The following SHANK2 variants were observed in gnomAD, a reference collection of about 807,000 sequenced individuals.
The protein encoded by SHANK2 is SH3 and multiple ankyrin repeat domains protein 2.
Under a neutral mutation model 133.7 loss-of-function variants are expected in SHANK2, and 43 were observed. The ratio of observed to expected loss-of-function variants is 0.32; its 90% CI spans 0.25 to 0.41. SHANK2 has a LOEUF of 0.41. Among genes scored for constraint, SHANK2 ranks in the 10% least tolerant of loss-of-function variants. SHANK2 has a pLI of 1.00. For synonymous variants in SHANK2, 1,017 were observed against 952.8 expected (o/e 1.07, Z -1.24); for missense variants, 1,994 against 2,235.8 (o/e 0.89, Z 2.18).
At position 70,830,023 on chromosome 11, in the gene SHANK2, C is replaced by A. The variant is rs1948703397; in HGVS notation, c.1175-9341G>T. ...AGACGCGGGCAGCAGCCTGTAAGAG[C>A]CTCCTTCCCCCACACCCACCACTTG... is the stretch of plus-strand genomic sequence containing the variant. On this transcript the variant is annotated intron_variant, in intron 11 of 25. Transcript: ENST00000601538. This position sits in a 1 kb window ranked among gnomAD's most constrained non-coding sequence, Gnocchi z 4.4. Among the ~76,000 whole-genome samples the A allele has an allele frequency of 6.6e-6, 1 of 152,204 alleles. No individual in the cohort carries two copies.
intron 10 of SHANK2, among the ~76,000 whole-genome samples, chr11:70,935,374 T>C (rs1487232728): frequency 6.6e-6 from 1 of 152,150 alleles, no homozygotes; most frequent in African/African-American, 2.4e-5. Flanking sequence ...AGGGGTCTGC[T>C]ACAGTCTCAT....
intron 17 of SHANK2, among the ~76,000 whole-genome samples, chr11:70,572,081 C>T (rs2060051919): frequency 1.3e-5 from 2 of 152,234 alleles, no homozygotes; most frequent in Admixed American, 1.3e-4. Flanking sequence ...CATCTCCACA[C>T]CAGGGACAGG....
intron 14 of SHANK2, among the ~76,000 whole-genome samples, chr11:70,707,372 C>CAAAAAA (rs1172194976): frequency 8.6e-5 from 5 of 57,860 alleles, no homozygotes; most frequent in African/African-American, 1.6e-4. Flanking sequence ...AACTCCATCT[C>CAAAAAA]AAAAAAAAAA....
intron 13 of SHANK2, among the ~76,000 whole-genome samples, chr11:70,800,005 A>C (rs1218256481): frequency 6.6e-6 from 1 of 152,110 alleles, no homozygotes; most frequent in Non-Finnish European, 1.5e-5. Flanking sequence ...GTGAGGAAGG[A>C]AAATCTTTAT....
At chr11:71,058,321 A>G (rs1319584410) in intron 9 of SHANK2, among the ~76,000 whole-genome samples, 1 of 152,216 alleles carries the variant, frequency 6.6e-6, no homozygotes, top group African/African-American at 2.4e-5. Flanking sequence ...GGACTGCAGC[A>G]GCAAATAACT....
At chr11:70,682,003 G>A (rs549138391) in intron 15 of SHANK2, among the ~76,000 whole-genome samples, 1 of 152,296 alleles carries the variant, frequency 6.6e-6, no homozygotes, top group South Asian at 2.1e-4. Flanking sequence ...GCAAGGGGCT[G>A]CGGCTTTTCC....
intron 2 of SHANK2, among the ~76,000 whole-genome samples, chr11:71,191,699 C>T (rs1316060407): frequency 5.3e-5 from 8 of 151,814 alleles, no homozygotes; most frequent in African/African-American, 1.7e-4. Flanking sequence ...GCTGTGATTA[C>T]AGACATGCAC....
At chr11:70,613,296 C>CA (rs1488262059) in intron 17 of SHANK2, among the ~76,000 whole-genome samples, 4 of 152,110 alleles carry the variant, frequency 2.6e-5, no homozygotes, top group Non-Finnish European at 5.9e-5. Context: ...CTCCGCCTCC[C>CA]AGGTTCATGC....
chr11:71,106,839 G>A (rs1951809235), intron 6 of SHANK2, among the ~76,000 whole-genome samples: 1 of 151,938 alleles, frequency 6.6e-6, no homozygotes, highest in Non-Finnish European at 1.5e-5. Flanking sequence ...AAGGGGAGGG[G>A]AGAGGCCAGG....
At chr11:71,074,304 G>A (rs1389030473) in intron 9 of SHANK2, among the ~76,000 whole-genome samples, 3 of 152,176 alleles carry the variant, frequency 2.0e-5, no homozygotes, top group African/African-American at 7.2e-5. Flanking sequence ...CAGCGAAAGT[G>A]AGACTCTTAA....
At chr11:70,538,746 C>T (rs1459591004) in intron 17 of SHANK2, among the ~76,000 whole-genome samples, 1 of 152,212 alleles carries the variant, frequency 6.6e-6, no homozygotes, top group Non-Finnish European at 1.5e-5. Context: ...AGAACAGCCC[C>T]CGGGGCAGAG....
intron 11 of SHANK2, among the ~76,000 whole-genome samples, chr11:70,866,400 G>A (rs1474834729): frequency 6.6e-6 from 1 of 152,112 alleles, no homozygotes; most frequent in Admixed American, 6.5e-5. Flanking sequence ...AGCCACACCC[G>A]GCTAATTAGG....
chr11:70,808,824 A>G (rs1264069081), intron 12 of SHANK2, among the ~76,000 whole-genome samples: 1 of 152,130 alleles, frequency 6.6e-6, no homozygotes, highest in Non-Finnish European at 1.5e-5. Flanking sequence ...CATCCACCTC[A>G]CTGTGAGCGT....
chr11:70,476,320 C>T (rs782523225), intron 25 of SHANK2, among the ~76,000 whole-genome samples: 1 of 152,196 alleles, frequency 6.6e-6, no homozygotes, highest in Non-Finnish European at 1.5e-5. Context: ...GAGGGGCCAG[C>T]ACCCTCTAGT....
intron 10 of SHANK2, among the ~76,000 whole-genome samples, chr11:70,929,863 C>T (rs1433542409): frequency 6.6e-6 from 1 of 152,148 alleles, no homozygotes; most frequent in Non-Finnish European, 1.5e-5. Context: ...TGGGTGACTA[C>T]AGAAACGTGA....
intron 9 of SHANK2, among the ~76,000 whole-genome samples, chr11:71,062,858 G>A (rs1438149784): frequency 6.6e-6 from 1 of 151,866 alleles, no homozygotes; most frequent in Non-Finnish European, 1.5e-5. Flanking sequence ...TTAGCCAGGA[G>A]CGGTGGTGCG....
chr11:70,679,622 C>T (rs1437338648), intron 15 of SHANK2, among the ~76,000 whole-genome samples: 2 of 152,254 alleles, frequency 1.3e-5, no homozygotes, highest in African/African-American at 4.8e-5. Context: ...TGCCGAGGAA[C>T]AGAGGGCACC....
Position 70,469,344 on chromosome 11 carries a change from T to A in SHANK2, c.*3525A>T, listed in dbSNP as rs1423178213. On this transcript the variant is annotated 3_prime_UTR_variant, in exon 26 of 26. Coordinates refer to ENST00000601538, the MANE Select transcript of SHANK2 (RefSeq NM_012309.5). ...GAGAGGCAGAGCTGGCCACAATGCC[T>A]GAGATAATCTACATTAGATTGCAAG... 1 of 152,672 alleles carries A rather than the reference T, an allele frequency of 6.5e-6. No homozygotes were observed. The highest frequency in any genetic ancestry group is 1.5e-5 in the Non-Finnish European group (1 of 68,042). 9.5% of individuals were successfully genotyped at this position (152,672 alleles called of 1,614,324 possible).
At chr11:70,690,264 G>GA (rs1324055011) in intron 15 of SHANK2, among the ~76,000 whole-genome samples, 12 of 148,650 alleles carry the variant, frequency 8.1e-5, no homozygotes, top group East Asian at 5.9e-4. Context: ...TCTCCCACGA[G>GA]AAAAAAAAAG....
Sources: allele counts gnomAD v4.1 joint callset (sites outside exome capture counted in the v4.1 genomes callset), GRCh38; gene constraint gnomAD v4.1.1; non-coding constraint Gnocchi (gnomAD v3.1); transcripts MANE v1.5; gene names NCBI Gene and HGNC (gene_info 2026-07-23, HGNC 2026-07-21).